The following WWC2 variants were observed in gnomAD, a reference collection of about 807,000 sequenced individuals.
WWC2 encodes the protein protein WWC2.
Under a neutral mutation model 138.5 loss-of-function variants are expected in WWC2, and 101 were observed. The observed-to-expected ratio is 0.73, with a 90% CI of 0.62 to 0.86. WWC2 has a LOEUF of 0.86. WWC2 is among the 40% of genes least tolerant of loss of function. The probability of loss-of-function intolerance (pLI) is 0.00; values close to 1 mark genes in which losing one functional copy is unlikely to be tolerated. For missense variants in WWC2, 1,420 were observed against 1,419.4 expected, an observed-to-expected ratio of 1.00 and a Z score of -0.01; for synonymous variants, 558 against 538.4, an observed-to-expected ratio of 1.04 and a Z score of -0.50.
At chr4:183,122,922 C>G (rs1732646395) in intron 1 of WWC2, among the ~76,000 whole-genome samples, 1 of 152,158 alleles carries the variant, frequency 6.6e-6, no homozygotes, top group South Asian at 2.1e-4. Flanking sequence ...ATGGAAAGAT[C>G]TCAGTTTCAT....
At chr4:183,168,677 T>C (rs1052403983) in intron 1 of WWC2, among the ~76,000 whole-genome samples, 3 of 152,126 alleles carry the variant, frequency 2.0e-5, no homozygotes, top group Non-Finnish European at 4.4e-5. Flanking sequence ...CTGGGTGTCA[T>C]TGCCATTATA....
intron 1 of WWC2, among the ~76,000 whole-genome samples, chr4:183,114,412 A>G (rs996088233): frequency 2.0e-5 from 3 of 152,210 alleles, no homozygotes; most frequent in Non-Finnish European, 1.5e-5. Context: ...ACAAGGTGTG[A>G]GACCCCTATG....
Position 183,194,696 on chromosome 4 carries a change from C to T in WWC2, c.241+988C>T, listed in dbSNP as rs187284591. Reference sequence around the variant, plus strand: ...TGTATTTCTCAAGAGGCCAAAAAAGCCTGTATTATTAGCTGTGAGGCACCA... The same window carrying T: ...TGTATTTCTCAAGAGGCCAAAAAAGTCTGTATTATTAGCTGTGAGGCACCA... On this transcript the variant is annotated intron_variant, in intron 2 of 22. Coordinates refer to ENST00000403733, the MANE Select transcript of WWC2 (RefSeq NM_024949.6). Among the ~76,000 whole-genome samples the T allele has an allele frequency of 5.6e-3, 847 of 152,206 alleles. 1 individual carries two copies. The highest frequency in any genetic ancestry group is 8.2e-3 in the Non-Finnish European group (558 of 68,020).
At chr4:183,286,187 A>G in intron 20 of WWC2, 128 bp downstream of exon 20, 1 of 830,790 alleles carries the variant, frequency 1.2e-6, no homozygotes, top group Non-Finnish European at 1.9e-6. Context: ...GAATGCAGCC[A>G]CTGGGATACA....
chr4:183,299,403 T>G (rs1180457416), intron 21 of WWC2, among the ~76,000 whole-genome samples: 1 of 152,112 alleles, frequency 6.6e-6, no homozygotes, highest in Non-Finnish European at 1.5e-5. Context: ...CAAGCAATAG[T>G]GAAAAAAGCT....
chr4:183,193,489 T>C, intron 1 of WWC2, 110 bp from the exon 2 acceptor site: 1 of 911,248 alleles, frequency 1.1e-6, no homozygotes, highest in Non-Finnish European at 1.7e-6. Flanking sequence ...GTTTTTTTTT[T>C]TCTTTAAGAT....
chr4:183,107,291 A>G (rs1743398522), intron 1 of WWC2, among the ~76,000 whole-genome samples: 1 of 151,980 alleles, frequency 6.6e-6, no homozygotes, highest in South Asian at 2.1e-4. Context: ...CCTCCTGAGT[A>G]GCTGGGATTA....
At chr4:183,267,672 T>C (rs1230673058) in intron 14 of WWC2, among the ~76,000 whole-genome samples, 4 of 152,182 alleles carry the variant, frequency 2.6e-5, no homozygotes. Flanking sequence ...CCAAGTCCCT[T>C]CTGGAGGCAT....
intron 17 of WWC2, among the ~76,000 whole-genome samples, chr4:183,281,735 TA>T (rs1368909854): frequency 1.3e-5 from 2 of 152,174 alleles, no homozygotes; most frequent in Non-Finnish European, 2.9e-5. Context: ...AAGATATAGA[TA>T]TACTTTGTCC....
chr4:183,228,429 G>A (rs189265377), intron 4 of WWC2, among the ~76,000 whole-genome samples: 1 of 152,150 alleles, frequency 6.6e-6, no homozygotes. Context: ...TTTAATTAAT[G>A]TATACAACAT....
At chr4:183,170,416 C>T (rs1214152265) in intron 1 of WWC2, among the ~76,000 whole-genome samples, 1 of 152,178 alleles carries the variant, frequency 6.6e-6, no homozygotes, top group African/African-American at 2.4e-5. Flanking sequence ...TTCCAGCTCT[C>T]AAGTTCTGGA....
chr4:183,220,487 A>T lies in WWC2; in HGVS notation c.522+11462A>T, dbSNP rs1346259641. Among the ~76,000 whole-genome samples, 3 of 151,822 alleles carry T rather than the reference A, an allele frequency of 2.0e-5. No homozygotes were observed. The East Asian group carries it at 5.8e-4, about 29-fold the overall frequency. On this transcript the variant is annotated intron_variant, in intron 4 of 22. Transcript: ENST00000403733. ...ATAAAACAAAAACAAAAATCAGGCC[A>T]CAAGATGAGCTGTCATTTGCTGATT... is the stretch of plus-strand genomic sequence containing the variant.
At chr4:183,215,476 TGA>T (rs1283957878) in intron 4 of WWC2, among the ~76,000 whole-genome samples, 4 of 151,676 alleles carry the variant, frequency 2.6e-5, no homozygotes, top group Non-Finnish European at 4.4e-5. Context: ...AGAAAGAAAA[TGA>T]GAGATTCTCT....
rs1457456740 is a variant in WWC2, at chr4:183,119,617, T to G, written c.131+19995T>G. ...CCCATGTATGTTGGAAAACAGTGAG[T>G]TTTTTAAAAACAGAAGTTTTAATTT... On this transcript the variant is annotated intron_variant, in intron 1 of 22. Transcript: ENST00000403733. 2.5e-4 allele frequency among the ~76,000 whole-genome samples: 38 copies of G among 152,166 alleles called. 1 individual carries two copies. The highest frequency in any genetic ancestry group is 5.9e-5 in the Non-Finnish European group (4 of 68,032).
intron 9 of WWC2, 63 bp from the exon 10 acceptor site, chr4:183,259,572 ATCTT>A: frequency 8.2e-7 from 1 of 1,212,550 alleles, no homozygotes; most frequent in Non-Finnish European, 1.2e-6. Context: ...TACAATGAGA[ATCTT>A]TCTTTCCTTT....
At chr4:183,236,153 G>T (rs896192251) in intron 4 of WWC2, among the ~76,000 whole-genome samples, 2 of 152,128 alleles carry the variant, frequency 1.3e-5, no homozygotes, top group African/African-American at 4.8e-5. Context: ...TGTCAAAAAT[G>T]AGTTCACTGT....
rs1357054980 is a variant in WWC2, at chr4:183,316,995, C to T, written c.*1266C>T. The T allele has an allele frequency of 6.6e-6, 1 of 152,120 alleles. No homozygotes were observed. Among genetic ancestry groups the T allele is most frequent in the Non-Finnish European group, 1.5e-5 (1 of 68,020 alleles). The allele number at this position is 152,120 out of a possible 1,614,324, so 9.4% of individuals were successfully genotyped here. A position where few individuals can be genotyped will look rare whatever the true frequency, so the allele number is the denominator to read the frequency against. ...CAGGCACTTCTTAAAAACACAGATC[C>T]TCAGTGCAGCTCTGCCAGCATCAAG... On this transcript the variant is annotated 3_prime_UTR_variant, in exon 23 of 23. Coordinates refer to ENST00000403733, the MANE Select transcript of WWC2 (RefSeq NM_024949.6).
rs890645687 is a variant in WWC2, at chr4:183,299,425, G to A, written c.3384+9790G>A. ...TAGTGAAAAAAGCTCACAAAACAAG[G>A]TGCATTTATCCTGCTTTCAAAATGA... On this transcript the variant is annotated intron_variant, in intron 21 of 22. Coordinates refer to ENST00000403733, the MANE Select transcript of WWC2 (RefSeq NM_024949.6). 3.9e-5 allele frequency among the ~76,000 whole-genome samples: 6 copies of A among 152,246 alleles called. No individual in the cohort carries two copies. The South Asian group carries it at 8.3e-4, about 21-fold the overall frequency.
At chr4:183,150,750 A>C (rs371360982) in intron 1 of WWC2, among the ~76,000 whole-genome samples, 2 of 151,998 alleles carry the variant, frequency 1.3e-5, no homozygotes, top group African/African-American at 4.8e-5. Flanking sequence ...TCATTGTTCA[A>C]TTCCCACCTA....
Sources: allele counts gnomAD v4.1 joint callset (sites outside exome capture counted in the v4.1 genomes callset), GRCh38; gene constraint gnomAD v4.1.1; transcripts MANE v1.5; gene names NCBI Gene and HGNC (gene_info 2026-07-23, HGNC 2026-07-21).